DNAJB1: variants seen among roughly 807,000 people sequenced by gnomAD.
The protein encoded by DNAJB1 is DnaJ heat shock protein family (Hsp40) member B1, also known as dnaJ homolog subfamily B member 1.
In DNAJB1, 14 loss-of-function variants were observed where a neutral mutation model predicts 24.0. The observed-to-expected ratio is 0.58, with a 90% CI of 0.39 to 0.91. The LOEUF is 0.91. Ranked by LOEUF, DNAJB1 falls within the 40% of genes least tolerant of loss-of-function variation. DNAJB1 has a pLI of 0.00. For missense variants in DNAJB1, 517 were observed against 458.1 expected (o/e 1.13, Z -1.17); for synonymous variants, 262 against 174.4 (o/e 1.50, Z -3.96).
intron 1 of DNAJB1, among the ~76,000 whole-genome samples, chr19:14,540,347 C>A (rs1242717409): frequency 6.6e-6 from 1 of 151,872 alleles, no homozygotes; most frequent in Non-Finnish European, 1.5e-5. Context: ...GGATTACAGG[C>A]GTGAGCCACT....
chr19:14,543,142 G>A (rs973100005), intron 1 of DNAJB1, among the ~76,000 whole-genome samples: 12 of 151,256 alleles, frequency 7.9e-5, no homozygotes, highest in Non-Finnish European at 1.5e-4. Context: ...GAAACAGGCT[G>A]AAGTCACGGA....
chr19:14,543,874 T>C (rs183561044), intron 1 of DNAJB1, among the ~76,000 whole-genome samples: 31 of 151,828 alleles, frequency 2.0e-4, no homozygotes, highest in Admixed American at 1.3e-3. Flanking sequence ...TAGCTGGGAT[T>C]ACAGGCATGC....
upstream of DNAJB1, among the ~76,000 whole-genome samples, chr19:14,554,432 C>T (rs1326041294): frequency 2.0e-5 from 3 of 152,124 alleles, no homozygotes; most frequent in Admixed American, 1.3e-4. Flanking sequence ...AGAGGGCAGG[C>T]AGGTGCCTTG....
Position 14,516,768 on chromosome 19 carries a change from C to T in DNAJB1, c.490G>A (p.Val164Ile). 1.9e-6 allele frequency: 3 copies of T among 1,613,950 alleles called. No individual in the cohort carries two copies. The highest frequency in any genetic ancestry group is 2.5e-6 in the Non-Finnish European group (3 of 1,180,004). ...AGGGAGACTCGAAGGTCGTGGGTGA[C>T]TGGGGGATCTTGCTTCTTTCGGGCG... ...EPARKKQDPP[V>I]THDLRVSLEE... The change falls in exon 2 of 3, where the codon GTC becomes ATC. Residue 164 changes from valine to isoleucine, a missense_variant. Coordinates refer to ENST00000254322, the MANE Select transcript of DNAJB1 (RefSeq NM_006145.3).
rs377564300 is a variant in DNAJB1 at position 14,516,031 on chromosome 19, C to A, written c.932G>T (p.Arg311Leu). Residue 311 changes from arginine to leucine, a missense_variant, in exon 3 of 3, where the codon CGT (arginine) becomes CTT (leucine). Arg to Leu is a moderately radical substitution (Grantham distance 102). Coordinates refer to ENST00000254322, the MANE Select transcript of DNAJB1 (RefSeq NM_006145.3). ...TTCAAACTCAATAATGAGGTCCCCA[C>A]GTTTCTCGGGTGTTTTGGGGAGGGG... is the stretch of plus-strand genomic sequence containing the variant. ...GLPLPKTPEK[R>L]GDLIIEFEVI... The A allele has an allele frequency of 6.2e-7, 1 of 1,612,970 alleles. No homozygotes were observed. The highest frequency in any genetic ancestry group is 1.1e-5 in the South Asian group (1 of 91,054).
At chr19:14,549,533 C>T (rs1364999024) in intron 1 of DNAJB1, among the ~76,000 whole-genome samples, 1 of 152,048 alleles carries the variant, frequency 6.6e-6, no homozygotes, top group Non-Finnish European at 1.5e-5. Flanking sequence ...TACTATGTTG[C>T]CCAGCCTGGC....
At chr19:14,516,405 C>T in intron 2 of DNAJB1, 61 bp downstream of exon 2, 6 of 1,547,962 alleles carry the variant, frequency 3.9e-6, no homozygotes, top group Middle Eastern at 1.7e-4. Context: ...TCAGCAAATA[C>T]TAAACTGCTT....
chr19:14,527,726 C>A (rs1173563335), exon 2 of DNAJB1: 3 of 152,176 alleles, frequency 2.0e-5, no homozygotes, highest in Non-Finnish European at 2.9e-5. Flanking sequence ...AGTGATCTAC[C>A]TTTAAGGACT....
chr19:14,514,848 C>A lies in DNAJB1; in HGVS notation c.*1092G>T, dbSNP rs2072228122. The A allele has an allele frequency of 6.6e-6, 1 of 152,616 alleles. No homozygotes were observed. The highest frequency in any genetic ancestry group is 1.5e-5 in the Non-Finnish European group (1 of 68,050). The allele number at this position is 152,616 out of a possible 1,614,324, so 9.5% of individuals were successfully genotyped here. ...TTTGGTCTCATGTTGGCAGTGGCAA[C>A]TTACAATGAGTCTAAAGGTCTGAGC... On this transcript the variant is annotated 3_prime_UTR_variant, in exon 3 of 3. Transcript: ENST00000254322.
At chr19:14,529,357 G>A (rs1266962035), upstream of DNAJB1, 1 of 481,060 alleles carries the variant, frequency 2.1e-6, no homozygotes, top group East Asian at 3.7e-5. Context: ...AAAGGGACGC[G>A]CGGGGCAGAG....
upstream of DNAJB1, among the ~76,000 whole-genome samples, chr19:14,522,532 G>C (rs2146530030): frequency 6.7e-6 from 1 of 149,654 alleles, no homozygotes; most frequent in African/African-American, 2.5e-5. Context: ...CAAACACTGA[G>C]GTTTCCCGGC....
upstream of DNAJB1, among the ~76,000 whole-genome samples, chr19:14,521,914 G>A (rs1339404198): frequency 2.6e-5 from 4 of 152,016 alleles, no homozygotes; most frequent in Non-Finnish European, 5.9e-5. Flanking sequence ...GAGCCACCAC[G>A]CCCAGCCAGT....
chr19:14,557,747 C>T (rs530829505), intron 1 of DNAJB1, among the ~76,000 whole-genome samples: 24 of 147,888 alleles, frequency 1.6e-4, no homozygotes, highest in Admixed American at 5.4e-4. Context: ...CCACCGTGCC[C>T]GGTCATCATA....
chr19:14,547,011 A>G (rs956806906), intron 1 of DNAJB1, among the ~76,000 whole-genome samples: 2 of 152,206 alleles, frequency 1.3e-5, no homozygotes, highest in African/African-American at 4.8e-5. Context: ...TTAAATTTCA[A>G]TTTGATCAAC....
At position 14,535,002 on chromosome 19, in the gene DNAJB1, T is replaced by A. The variant is rs940065940; in HGVS notation, c.-213-7192A>T. ...GGGAGGGCGAGGTGCTGCGGGTCAG[T>A]GTGGACTGCTGGGAGAGGGTCTTTC... On this transcript the variant is annotated intron_variant, in intron 1 of 3. Coordinates refer to the DNAJB1 transcript ENST00000676982. Among the ~76,000 whole-genome samples, 3 of 152,000 alleles carry A rather than the reference T, an allele frequency of 2.0e-5. No individual in the cohort carries two copies. The East Asian group carries it at 5.8e-4, about 29-fold the overall frequency.
chr19:14,529,480 C>T (rs369455862), upstream of DNAJB1: 58 of 685,334 alleles, frequency 8.5e-5, no homozygotes, highest in African/African-American at 4.6e-4. Flanking sequence ...TGGTGCTAGT[C>T]CTAGTCTTGG....
chr19:14,532,145 C>CT (rs1288577396), upstream of DNAJB1: 1 of 152,164 alleles, frequency 6.6e-6, no homozygotes, highest in Non-Finnish European at 1.5e-5. Context: ...TCTGAGCACC[C>CT]TGGGGGTGCG....
chr19:14,539,287 C>G (rs1015106559), intron 1 of DNAJB1, among the ~76,000 whole-genome samples: 1 of 151,762 alleles, frequency 6.6e-6, no homozygotes, highest in Non-Finnish European at 1.5e-5. Flanking sequence ...AGCCACCACA[C>G]CTGGCTGCAA....
chr19:14,541,885 C>T (rs143019578), intron 1 of DNAJB1, among the ~76,000 whole-genome samples: 1,775 of 151,520 alleles, frequency 0.012, 40 homozygotes, highest in African/African-American at 0.04. Context: ...TGGGTTCAAG[C>T]GATTCTCCTG....
Sources: gnomAD v4.1 joint callset for allele counts (sites outside exome capture counted in the v4.1 genomes callset) on GRCh38, gnomAD v4.1.1 for gene constraint, MANE v1.5 for transcripts, NCBI Gene and HGNC (gene_info 2026-07-23, HGNC 2026-07-21) for gene names.